Variants in RERG observed in about 807,000 individuals in gnomAD.
The protein encoded by RERG is ras-related and estrogen-regulated growth inhibitor.
In RERG, 25 loss-of-function variants were observed where a neutral mutation model predicts 23.2. The ratio of observed to expected loss-of-function variants is 1.08; its 90% CI spans 0.79 to 1.50. The LOEUF (loss-of-function observed/expected upper bound fraction) is 1.50. Ranked by LOEUF, RERG falls within the 40% of genes most tolerant of loss-of-function variation. The pLI is 0.00. For synonymous variants in RERG, 81 were observed against 89.1 expected (o/e 0.91, Z 0.51); for missense variants, 253 against 250.1 (o/e 1.01, Z -0.08).
chr12:15,163,634 A>G lies in RERG; in HGVS notation c.62-42515T>C, dbSNP rs138974741. ...ATTTAATCAAGGGAAATTATTATCC[A>G]AAATGATGAAAAACCTGAGAAGCCA... On this transcript the variant is annotated intron_variant, in intron 2 of 4. Coordinates refer to ENST00000256953, the MANE Select transcript of RERG (RefSeq NM_032918.3). Among the ~76,000 whole-genome samples the G allele has an allele frequency of 2.9e-3, 446 of 152,362 alleles. 3 individuals are homozygous for G. Among genetic ancestry groups the G allele is most frequent in the African/African-American group, 0.01 (424 of 41,580 alleles).
chr12:15,145,782 C>T (rs1180599181), intron 2 of RERG, among the ~76,000 whole-genome samples: 1 of 152,188 alleles, frequency 6.6e-6, no homozygotes, highest in Non-Finnish European at 1.5e-5. Context: ...TGGCCGTAAA[C>T]CCACTAACAA....
chr12:15,142,244 T>C (rs925791723), intron 2 of RERG, among the ~76,000 whole-genome samples: 2 of 152,218 alleles, frequency 1.3e-5, no homozygotes, highest in Non-Finnish European at 2.9e-5. Flanking sequence ...AATTAGAAGA[T>C]TCCACTTCAG....
At chr12:15,136,225 C>T (rs1304395) in intron 2 of RERG, among the ~76,000 whole-genome samples, 31,891 of 151,880 alleles carry the variant, frequency 0.21, 3,448 homozygotes, top group Admixed American at 0.26. Flanking sequence ...CTTTCAATGT[C>T]CATGGGCTCT....
At chr12:15,156,729 G>A (rs1002635320) in intron 2 of RERG, among the ~76,000 whole-genome samples, 1 of 152,176 alleles carries the variant, frequency 6.6e-6, no homozygotes, top group Non-Finnish European at 1.5e-5. Flanking sequence ...GTCCTCAGGA[G>A]AAAGAAATAG....
intron 3 of RERG, among the ~76,000 whole-genome samples, chr12:15,120,296 T>C (rs1863807331): frequency 1.3e-5 from 2 of 152,180 alleles, no homozygotes; most frequent in Non-Finnish European, 2.9e-5. Flanking sequence ...TCTTCTCTCT[T>C]TCCTAGACTG....
chr12:15,160,897 G>A (rs766661512), intron 2 of RERG, among the ~76,000 whole-genome samples: 3 of 151,726 alleles, frequency 2.0e-5, no homozygotes, highest in Non-Finnish European at 2.9e-5. Flanking sequence ...AGCACTTCGG[G>A]AGGCCGAGGC....
chr12:15,138,136 T>C (rs754716461), intron 2 of RERG: 7 of 221,662 alleles, frequency 3.2e-5, no homozygotes, highest in Non-Finnish European at 2.8e-5. Context: ...TTGAATATGA[T>C]ATACCTGGCT....
At position 15,187,123 on chromosome 12, in the gene RERG, G is replaced by A. The variant is rs182367497; in HGVS notation, c.61+30306C>T. ...TATTTCAGGCTAAACTGGAAGTTACGACCAAGATAATCTTTGAGGAGATGG... is the reference window on the plus strand; with the variant it reads ...TATTTCAGGCTAAACTGGAAGTTACAACCAAGATAATCTTTGAGGAGATGG... On this transcript the variant is annotated intron_variant, in intron 2 of 4. Transcript: ENST00000256953. Among the ~76,000 whole-genome samples the A allele has an allele frequency of 8.5e-5, 13 of 152,136 alleles. 1 individual carries two copies. The highest frequency in any genetic ancestry group is 2.7e-4 in the African/African-American group (11 of 41,508).
chr12:15,181,319 A>AC (rs1384886575), intron 2 of RERG, among the ~76,000 whole-genome samples: 2 of 152,238 alleles, frequency 1.3e-5, no homozygotes, highest in Non-Finnish European at 2.9e-5. Flanking sequence ...AAGCTAGAGC[A>AC]CTTTTATGAA....
Position 15,174,820 on chromosome 12 carries a change from A to G in RERG, c.61+42609T>C, listed in dbSNP as rs529196898. On this transcript the variant is annotated intron_variant, in intron 2 of 4. Coordinates refer to ENST00000256953, the MANE Select transcript of RERG (RefSeq NM_032918.3). ...TTTCTATTTTGTTTTTTATAATTTT[A>G]TCTCTTTATTGATATTCTCTATTTG... 2.6e-5 allele frequency among the ~76,000 whole-genome samples: 4 copies of G among 151,942 alleles called. No homozygotes were observed. In the South Asian group the frequency reaches 8.3e-4, roughly 32 times the overall value.
At chr12:15,180,543 T>C (rs1490615585) in intron 2 of RERG, among the ~76,000 whole-genome samples, 1 of 152,120 alleles carries the variant, frequency 6.6e-6, no homozygotes, top group African/African-American at 2.4e-5. Flanking sequence ...CCAAGAATGA[T>C]CAAAAGCAAA....
At chr12:15,162,166 A>G (rs1864624856) in intron 2 of RERG, among the ~76,000 whole-genome samples, 1 of 152,218 alleles carries the variant, frequency 6.6e-6, no homozygotes, top group Non-Finnish European at 1.5e-5. Flanking sequence ...GAGCAAAGCA[A>G]TGGGAAGAGG....
At chr12:15,191,993 T>C (rs1115693) in intron 2 of RERG, among the ~76,000 whole-genome samples, 12,708 of 152,108 alleles carry the variant, frequency 0.084, 584 homozygotes, top group East Asian at 0.24. Context: ...TATCTTGTCA[T>C]TGTCCTGGAT....
intron 2 of RERG, among the ~76,000 whole-genome samples, chr12:15,143,204 G>A (rs1024204263): frequency 9.2e-5 from 14 of 151,966 alleles, no homozygotes; most frequent in Admixed American, 2.6e-4. Flanking sequence ...AAAATTCGAC[G>A]GTAATTAATG....
intron 2 of RERG, among the ~76,000 whole-genome samples, chr12:15,122,925 A>G (rs1295958662): frequency 2.0e-5 from 3 of 151,576 alleles, no homozygotes; most frequent in Non-Finnish European, 4.4e-5. Context: ...CAGCCTCCCG[A>G]GTAGCTGGGA....
chr12:15,220,344 T>G (rs138190895), intron 1 of RERG, among the ~76,000 whole-genome samples: 19 of 151,380 alleles, frequency 1.3e-4, no homozygotes, highest in South Asian at 6.3e-4. Context: ...AAGGTGTAGG[T>G]TTTTTTTTCC....
rs976430597 is a variant in RERG at position 15,131,045 on chromosome 12, A to G, written c.62-9926T>C. On this transcript the variant is annotated intron_variant, in intron 2 of 4. Transcript: ENST00000256953. Reference sequence around the variant, plus strand: ...CTTTTAATTCCTAACATGTTTGAAAAGCAGTAGAGATATTGGAATGCTTAA... The same window carrying G: ...CTTTTAATTCCTAACATGTTTGAAAGGCAGTAGAGATATTGGAATGCTTAA... 5.9e-5 allele frequency among the ~76,000 whole-genome samples: 9 copies of G among 152,286 alleles called. No individual in the cohort carries two copies. In the East Asian group the frequency reaches 1.7e-3, roughly 29 times the overall value.
chr12:15,205,387 T>A (rs1865269541), intron 2 of RERG, among the ~76,000 whole-genome samples: 1 of 152,050 alleles, frequency 6.6e-6, no homozygotes, highest in South Asian at 2.1e-4. Flanking sequence ...TTTTGGGACC[T>A]GAAGATTCAC....
chr12:15,168,365 C>T (rs371717095), intron 2 of RERG, among the ~76,000 whole-genome samples: 3 of 152,154 alleles, frequency 2.0e-5, no homozygotes, highest in South Asian at 2.1e-4. Context: ...CCAGCTCAAA[C>T]GTTTACTGGT....
Sources: gnomAD v4.1 joint callset for allele counts (sites outside exome capture counted in the v4.1 genomes callset) on GRCh38, gnomAD v4.1.1 for gene constraint, MANE v1.5 for transcripts, NCBI Gene and HGNC (gene_info 2026-07-23, HGNC 2026-07-21) for gene names.